ELFN1: variants seen among roughly 807,000 people sequenced by gnomAD.
ELFN1 encodes extracellular leucine rich repeat and fibronectin type III domain containing 1.
A neutral mutation model predicts 7.6 loss-of-function variants in ELFN1; 6 were observed. The observed-to-expected ratio is 0.79, with a 90% CI of 0.43 to 1.56. The LOEUF is 1.56. Among genes scored for constraint, ELFN1 ranks in the 40% most tolerant of loss-of-function variants. ELFN1 has a pLI of 0.01. For synonymous variants in ELFN1, 657 were observed against 588.1 expected (o/e 1.12, Z -1.70); for missense variants, 1,169 against 1,232.2 (o/e 0.95, Z 0.77).
Position 1,746,555 on chromosome 7 carries a change from A to C in ELFN1, c.1959A>C (p.Arg653=). The C allele has an allele frequency of 7.3e-7, 1 of 1,366,456 alleles. No individual in the cohort carries two copies. The highest frequency in any genetic ancestry group is 1.7e-5 in the South Asian group (1 of 60,160). 84.6% of individuals were successfully genotyped at this position (1,366,456 alleles called of 1,614,324 possible). ...CCGTGCGCAGCCCCCGCGCCTTCCG[A>C]GCCGAGGCCGTCGGGGTGCACAAGG... is the stretch of plus-strand genomic sequence containing the variant. ...SGSVRSPRAF[R]AEAVGVHKAA... Residue 653 remains arginine (R), a synonymous_variant, in exon 4 of 4, where the codon CGA becomes CGC. Transcript: ENST00000424383.
chr7:1,741,128 T>TG (rs1284750459), intron 3 of ELFN1, among the ~76,000 whole-genome samples: 1 of 36,566 alleles, frequency 2.7e-5, no homozygotes, highest in African/African-American at 7.8e-5. Context: ...AGACTCTGTC[T>TG]CAAAAAAAAA....
In ELFN1 at chr7:1,737,476, G is replaced by A. The variant is rs1024457301; in HGVS notation, c.-293-6828G>A. Among the ~76,000 whole-genome samples, 8 of 152,134 alleles carry A rather than the reference G, an allele frequency of 5.3e-5. No individual in the cohort carries two copies. The East Asian group carries it at 1.2e-3, about 22-fold the overall frequency. On this transcript the variant is annotated intron_variant, in intron 3 of 3. Coordinates refer to ENST00000424383, the MANE Select transcript of ELFN1 (RefSeq NM_001128636.4). ...CGGGGTCTTTTCTGCTGTCCGAGGC[G>A]GGTGGGTCCCACTCTCAGATGCGAA...
At chr7:1,715,914 C>G (rs574988784) in intron 3 of ELFN1, among the ~76,000 whole-genome samples, 1 of 152,190 alleles carries the variant, frequency 6.6e-6, no homozygotes, top group Admixed American at 6.5e-5. Context: ...GACCCTACCC[C>G]CGACTTTGAA....
Position 1,739,489 on chromosome 7 carries a change from C to G in ELFN1, c.-293-4815C>G, listed in dbSNP as rs1780547723. On this transcript the variant is annotated intron_variant, in intron 3 of 3. Transcript: ENST00000424383. This position sits in a 1 kb window ranked among gnomAD's most constrained non-coding sequence, Gnocchi z 4.6. ...CCACTTAGACGCAACGGGGGAGAAT[C>G]TTCAAGTCGGGGGCAGCCGAGGGCC... 1 of 152,524 alleles carries G rather than the reference C, an allele frequency of 6.6e-6. No individual in the cohort carries two copies. Among genetic ancestry groups the G allele is most frequent in the African/African-American group, 2.4e-5 (1 of 41,414 alleles). The allele number at this position is 152,524 out of a possible 1,614,324, so 9.4% of individuals were successfully genotyped here.
chr7:1,729,322 A>G (rs887014716), intron 3 of ELFN1, among the ~76,000 whole-genome samples: 2 of 152,212 alleles, frequency 1.3e-5, no homozygotes, highest in Non-Finnish European at 2.9e-5. Context: ...CCCGGGGCTC[A>G]GGGCCAGCTT....
chr7:1,720,440 C>A (rs939419815), intron 3 of ELFN1, among the ~76,000 whole-genome samples: 1 of 152,226 alleles, frequency 6.6e-6, no homozygotes, highest in Admixed American at 6.5e-5. Flanking sequence ...AGGAATGGGT[C>A]CCCAGCCTCC....
chr7:1,694,824 A>T (rs1779266025), intron 2 of ELFN1, among the ~76,000 whole-genome samples: 1 of 152,160 alleles, frequency 6.6e-6, no homozygotes, highest in Admixed American at 6.5e-5. Flanking sequence ...ATTCGAGACC[A>T]CCTGTCAGCT....
chr7:1,693,301 C>T (rs957561843), intron 2 of ELFN1: 5 of 456,238 alleles, frequency 1.1e-5, no homozygotes, highest in East Asian at 7.1e-5. Flanking sequence ...GAACGCCCAT[C>T]GGGGCAGCCT....
intron 3 of ELFN1, among the ~76,000 whole-genome samples, chr7:1,737,933 C>A (rs1162112941): frequency 1.3e-5 from 2 of 152,212 alleles, no homozygotes; most frequent in South Asian, 2.1e-4. Context: ...ATGCCGGCCA[C>A]CCCTTCCAGC....
chr7:1,692,730 C>G (rs902732121), intron 2 of ELFN1: 1 of 154,088 alleles, frequency 6.5e-6, no homozygotes, highest in Non-Finnish European at 1.4e-5. Context: ...TCCCCTCAAC[C>G]TCACCAGCTC....
intron 2 of ELFN1, among the ~76,000 whole-genome samples, chr7:1,699,080 C>T (rs1188093012): frequency 1.3e-5 from 2 of 152,244 alleles, no homozygotes; most frequent in Non-Finnish European, 2.9e-5. Flanking sequence ...CACATTGCAC[C>T]TGCGAAATTC....
chr7:1,681,822 T>TA (rs1778980261), intron 1 of ELFN1, among the ~76,000 whole-genome samples: 1 of 152,258 alleles, frequency 6.6e-6, no homozygotes, highest in African/African-American at 2.4e-5. Context: ...CCATGTGGTT[T>TA]AAATTTGCAT....
rs1220679755 is a variant in ELFN1 at position 1,746,818 on chromosome 7, C to T, written c.2222C>T (p.Thr741Ile). Residue 741 changes from threonine to isoleucine, a missense_variant, in exon 4 of 4, where the codon ACC (threonine) becomes ATC (isoleucine). This residue lies in a region of ELFN1 where 914 missense variants were observed against 872.6 expected (regional missense o/e 1.05). Transcript: ENST00000424383. Reference protein sequence around the residue: ...GRKASILEPLTRPRPRDLAYS... With the variant: ...GRKASILEPLIRPRPRDLAYS... ...AAGGCGTCCATCCTGGAGCCACTCA[C>T]CCGGCCGCGGCCCCGCGACCTCGCC... 1.3e-6 allele frequency: 2 copies of T among 1,534,576 alleles called. No individual in the cohort carries two copies. The highest frequency in any genetic ancestry group is 2.5e-5 in the East Asian group (1 of 40,288).
upstream of ELFN1, among the ~76,000 whole-genome samples, chr7:1,667,979 G>A (rs1396971004): frequency 1.3e-5 from 2 of 148,474 alleles, no homozygotes; most frequent in African/African-American, 4.9e-5. This position sits in a 1 kb window ranked among gnomAD's most constrained non-coding sequence, Gnocchi z 8.2. Context: ...GGGGGGGGGC[G>A]GCCGCGAGGA....
chr7:1,731,078 C>G (rs919962725), intron 3 of ELFN1, among the ~76,000 whole-genome samples: 1 of 152,114 alleles, frequency 6.6e-6, no homozygotes, highest in Non-Finnish European at 1.5e-5. Context: ...AATAAAACAA[C>G]AAAACCCTCC....
intron 2 of ELFN1, among the ~76,000 whole-genome samples, chr7:1,706,408 T>G (rs529282817): frequency 3.3e-5 from 5 of 151,252 alleles, no homozygotes; most frequent in South Asian, 4.2e-4. Context: ...GGCAACAGAG[T>G]GAGACTCTGT....
At chr7:1,688,381 A>G (rs1213697850) in intron 2 of ELFN1, among the ~76,000 whole-genome samples, 1 of 152,086 alleles carries the variant, frequency 6.6e-6, no homozygotes, top group African/African-American at 2.4e-5. Context: ...ACTTTCTGTT[A>G]GCTTATAAAG....
intron 2 of ELFN1, among the ~76,000 whole-genome samples, chr7:1,697,983 G>A (rs934464583): frequency 5.9e-5 from 9 of 152,188 alleles, no homozygotes; most frequent in African/African-American, 1.7e-4. Flanking sequence ...AGAGCCGGCC[G>A]GCGGGCGGGC....
chr7:1,729,750 T>C (rs6944432), intron 3 of ELFN1, among the ~76,000 whole-genome samples: 4,364 of 152,340 alleles, frequency 0.029, 145 homozygotes, highest in African/African-American at 0.084. Context: ...TCGGCCCTAG[T>C]AGTCCTGCCT....
Sources: allele counts gnomAD v4.1 joint callset (sites outside exome capture counted in the v4.1 genomes callset), GRCh38; gene constraint gnomAD v4.1.1; regional missense constraint gnomAD v4.1.1; non-coding constraint Gnocchi (gnomAD v3.1); transcripts MANE v1.5; gene names NCBI Gene and HGNC (gene_info 2026-07-23, HGNC 2026-07-21).